OSBPL1A: variants seen among roughly 807,000 people sequenced by gnomAD.
OSBPL1A encodes the protein oxysterol binding protein like 1A.
OSBPL1A carries 80 observed loss-of-function variants against 137.1 expected under a neutral mutation model. That is an observed-to-expected ratio of 0.58 (90% CI 0.49 to 0.70). The LOEUF (loss-of-function observed/expected upper bound fraction) is 0.70. Ranked by LOEUF, OSBPL1A falls within the 30% of genes least tolerant of loss-of-function variation. OSBPL1A has a pLI of 0.00. For missense variants in OSBPL1A, 970 were observed against 1,129.4 expected, an observed-to-expected ratio of 0.86 and a Z score of 2.02; for synonymous variants, 365 against 389.7, an observed-to-expected ratio of 0.94 and a Z score of 0.75.
intron 1 of OSBPL1A, among the ~76,000 whole-genome samples, chr18:24,389,857 A>G (rs1472501793): frequency 4.6e-5 from 7 of 152,024 alleles, no homozygotes; most frequent in Non-Finnish European, 1.0e-4. Flanking sequence ...TACAAGAATC[A>G]CTTGAACCCA....
intron 14 of OSBPL1A, among the ~76,000 whole-genome samples, chr18:24,292,718 A>G (rs1201183244): frequency 6.6e-6 from 1 of 152,174 alleles, no homozygotes; most frequent in Non-Finnish European, 1.5e-5. Context: ...AAACTGCAGT[A>G]AGGTAGAGGG....
intron 4 of OSBPL1A, among the ~76,000 whole-genome samples, chr18:24,361,485 C>T (rs2091620568): frequency 6.6e-6 from 1 of 152,170 alleles, no homozygotes; most frequent in South Asian, 2.1e-4. Flanking sequence ...TGTATATATG[C>T]TGATGCTCAT....
intron 7 of OSBPL1A, among the ~76,000 whole-genome samples, chr18:24,323,051 C>T (rs1275374945): frequency 1.3e-5 from 2 of 151,986 alleles, no homozygotes; most frequent in East Asian, 1.9e-4. Flanking sequence ...CAATTAAATC[C>T]CAATGAAGAG....
chr18:24,356,441 C>T (rs2091536355), intron 4 of OSBPL1A, among the ~76,000 whole-genome samples: 1 of 152,188 alleles, frequency 6.6e-6, no homozygotes, highest in Non-Finnish European at 1.5e-5. Flanking sequence ...GCACTGACAC[C>T]AAGAGATCCA....
intron 15 of OSBPL1A, among the ~76,000 whole-genome samples, chr18:24,270,326 CTGAG>C (rs1428375127): frequency 2.6e-5 from 4 of 152,140 alleles, no homozygotes; most frequent in South Asian, 2.1e-4. Context: ...ATAAACCACC[CTGAG>C]TATCAGTAAG....
At chr18:24,253,732 G>A (rs949215378) in intron 15 of OSBPL1A, among the ~76,000 whole-genome samples, 6 of 152,178 alleles carry the variant, frequency 3.9e-5, no homozygotes, top group African/African-American at 1.4e-4. Flanking sequence ...AACTGGTTGA[G>A]CCAGATTACT....
At chr18:24,277,109 A>C (rs1383917439) in intron 15 of OSBPL1A, among the ~76,000 whole-genome samples, 4 of 152,226 alleles carry the variant, frequency 2.6e-5, no homozygotes, top group African/African-American at 4.8e-5. Context: ...TATAAAGAGC[A>C]AACAAGAGTC....
intron 18 of OSBPL1A, among the ~76,000 whole-genome samples, chr18:24,194,748 A>G (rs952257396): frequency 2.0e-5 from 3 of 152,192 alleles, no homozygotes; most frequent in Admixed American, 2.0e-4. Context: ...TCTAAGGTAC[A>G]AATTATGATG....
intron 15 of OSBPL1A, among the ~76,000 whole-genome samples, chr18:24,270,381 T>C (rs1163956200): frequency 1.3e-5 from 2 of 152,226 alleles, no homozygotes; most frequent in Non-Finnish European, 2.9e-5. Context: ...GCTCTTTTAC[T>C]TCCCCCCCAT....
rs779112201 is a variant in OSBPL1A, at chr18:24,312,137, G to A, written c.970-31C>T. On this transcript the variant is annotated intron_variant, in intron 12 of 27. Coordinates refer to ENST00000319481, the MANE Select transcript of OSBPL1A (RefSeq NM_080597.4). ...ATCATGCAAGAATTTAAATGAGAGT[G>A]AAAAGCATTTTTATTCCAAAGAGAT... 1.9e-6 allele frequency: 3 copies of A among 1,609,580 alleles called. No homozygotes were observed. In the East Asian group the frequency reaches 6.7e-5, roughly 36 times the overall value.
Position 24,311,359 on chromosome 18 carries a change from G to A in OSBPL1A, c.1092+625C>T, listed in dbSNP as rs4800568. On this transcript the variant is annotated intron_variant, in intron 13 of 27. Transcript: ENST00000319481. ...ATCATTCCATAGTTCTAATTCTTCCGAACTCAATTCCCATTCTTTTAGACA... is the reference window on the plus strand; with the variant it reads ...ATCATTCCATAGTTCTAATTCTTCCAAACTCAATTCCCATTCTTTTAGACA... 9.7e-3 allele frequency: 5,095 copies of A among 527,098 alleles called. 479 individuals are homozygous for A. In the East Asian group the frequency reaches 0.2, roughly 21 times the overall value. 32.7% of individuals were successfully genotyped at this position (527,098 alleles called of 1,614,324 possible). A position where few individuals can be genotyped will look rare whatever the true frequency, so the allele number is the denominator to read the frequency against.
intron 11 of OSBPL1A, among the ~76,000 whole-genome samples, chr18:24,314,687 C>T (rs1037835545): frequency 6.6e-6 from 1 of 152,018 alleles, no homozygotes; most frequent in African/African-American, 2.4e-5. Flanking sequence ...TTTATTCATA[C>T]CCGTCGCCTT....
intron 15 of OSBPL1A, among the ~76,000 whole-genome samples, chr18:24,275,491 T>G (rs2089823811): frequency 6.6e-6 from 1 of 151,986 alleles, no homozygotes. Context: ...TGAAGAACAT[T>G]AGGGAACAAA....
At chr18:24,341,746 C>A in intron 4 of OSBPL1A, 88 bp from the exon 5 acceptor site, 1 of 764,860 alleles carries the variant, frequency 1.3e-6, no homozygotes, top group Admixed American at 2.8e-5. Flanking sequence ...ACTACAGAGT[C>A]TCCACAATAG....
chr18:24,283,033 C>T (rs1192080144), intron 14 of OSBPL1A, among the ~76,000 whole-genome samples: 1 of 151,304 alleles, frequency 6.6e-6, no homozygotes, highest in Non-Finnish European at 1.5e-5. Context: ...TGCTTGAGCC[C>T]AGGAGTTCAA....
At chr18:24,299,606 A>G (rs956087112) in intron 14 of OSBPL1A, among the ~76,000 whole-genome samples, 4 of 152,178 alleles carry the variant, frequency 2.6e-5, no homozygotes, top group Non-Finnish European at 4.4e-5. Context: ...TCCAGCTTAT[A>G]AGGTTTCTGC....
Position 24,324,047 on chromosome 18 carries a change from T to G in OSBPL1A, c.626-5238A>C, listed in dbSNP as rs1262269788. Among the ~76,000 whole-genome samples, 3 of 78,038 alleles carry G rather than the reference T, an allele frequency of 3.8e-5. 1 individual carries two copies. The highest frequency in any genetic ancestry group is 7.7e-5 in the Non-Finnish European group (3 of 38,930). The allele number at this position is 78,038 out of a possible 152,430, so 51.2% of individuals were successfully genotyped here. ...GTCTTTATAGCAGCATGATTTATACTCATTTGGGTAAAAAAAAAAAAAAAA... is the reference window on the plus strand; with the variant it reads ...GTCTTTATAGCAGCATGATTTATACGCATTTGGGTAAAAAAAAAAAAAAAA... On this transcript the variant is annotated intron_variant, in intron 7 of 27. Coordinates refer to ENST00000319481, the MANE Select transcript of OSBPL1A (RefSeq NM_080597.4).
At chr18:24,187,497 G>C (rs1158395173) in intron 18 of OSBPL1A, among the ~76,000 whole-genome samples, 3 of 152,090 alleles carry the variant, frequency 2.0e-5, no homozygotes, top group Non-Finnish European at 4.4e-5. Flanking sequence ...CTGCTTGCGT[G>C]GCAGCCAGCA....
chr18:24,387,126 C>T (rs144580255), intron 1 of OSBPL1A, among the ~76,000 whole-genome samples: 2 of 152,134 alleles, frequency 1.3e-5, no homozygotes, highest in African/African-American at 4.8e-5. Context: ...ACAATCAGCT[C>T]ACTGCAGCCT....
Sources: allele counts gnomAD v4.1 joint callset (sites outside exome capture counted in the v4.1 genomes callset), GRCh38; gene constraint gnomAD v4.1.1; transcripts MANE v1.5; gene names NCBI Gene and HGNC (gene_info 2026-07-23, HGNC 2026-07-21).